Variants in TNKS observed in about 807,000 individuals in gnomAD.
TNKS encodes poly [ADP-ribose] polymerase tankyrase-1.
TNKS carries 72 observed loss-of-function variants against 135.8 expected under a neutral mutation model. The observed-to-expected ratio is 0.53, with a 90% CI of 0.44 to 0.64. The LOEUF (loss-of-function observed/expected upper bound fraction) is 0.64, where lower values mean the gene tolerates loss of function less well. Ranked by LOEUF, TNKS falls within the 30% of genes least tolerant of loss-of-function variation. The probability of loss-of-function intolerance (pLI) is 0.00; values close to 1 mark genes in which losing one functional copy is unlikely to be tolerated. For synonymous variants in TNKS, 849 were observed against 649.3 expected (o/e 1.31, Z -4.68); for missense variants, 1,769 against 1,674.0 (o/e 1.06, Z -0.99).
At chr8:9,616,887 C>G (rs888509937) in intron 3 of TNKS, among the ~76,000 whole-genome samples, 2 of 152,182 alleles carry the variant, frequency 1.3e-5, no homozygotes, top group Non-Finnish European at 2.9e-5. Context: ...TGCTCAGATT[C>G]TACAGCCTTT....
In TNKS at chr8:9,751,818, C is replaced by T. The variant is rs146441688; in HGVS notation, c.3042C>T (p.Ala1014=). 257 of 1,614,062 alleles carry T rather than the reference C, an allele frequency of 1.6e-4. 1 individual carries two copies. Among genetic ancestry groups the T allele is most frequent in the Admixed American group, 5.0e-4 (30 of 60,006 alleles). ...GAGCCTCCAATGCAGGGGATGGCGCCGCGGGAACAGAAAGGAAGGAAGGAG... is the reference window on the plus strand; with the variant it reads ...GAGCCTCCAATGCAGGGGATGGCGCTGCGGGAACAGAAAGGAAGGAAGGAG... ...VGGASNAGDG[A]AGTERKEGEV... is the part of the protein sequence containing the mutation. The change falls in exon 19 of 27, where the codon GCC becomes GCT. Residue 1014 remains alanine (A), a synonymous_variant. Coordinates refer to ENST00000310430, the MANE Select transcript of TNKS (RefSeq NM_003747.3).
intron 2 of TNKS, among the ~76,000 whole-genome samples, chr8:9,603,689 T>A (rs915525586): frequency 2.0e-5 from 3 of 152,204 alleles, no homozygotes; most frequent in Non-Finnish European, 2.9e-5. Flanking sequence ...CTCCAAAGGA[T>A]ATTAATTAAG....
intron 18 of TNKS, 27 bp from the exon 19 acceptor site, chr8:9,751,582 G>A: frequency 6.3e-7 from 1 of 1,590,494 alleles, no homozygotes; most frequent in Non-Finnish European, 8.6e-7. Context: ...GTATTTTCAT[G>A]GTTTTTGTTT....
chr8:9,576,445 G>C (rs561265337), intron 1 of TNKS, among the ~76,000 whole-genome samples: 2 of 151,972 alleles, frequency 1.3e-5, no homozygotes, highest in South Asian at 4.2e-4. Flanking sequence ...AGCAGAAAGC[G>C]GGAGGTGCCA....
At chr8:9,654,374 TAAAAA>T (rs35774396) in intron 3 of TNKS, among the ~76,000 whole-genome samples, 4 of 152,010 alleles carry the variant, frequency 2.6e-5, no homozygotes, top group Admixed American at 6.5e-5. Context: ...TTTCTTGTGT[TAAAAA>T]AAACATGCTT....
chr8:9,727,473 G>T (rs755109886), intron 13 of TNKS, among the ~76,000 whole-genome samples: 1 of 152,072 alleles, frequency 6.6e-6, no homozygotes, highest in African/African-American at 2.4e-5. Context: ...TTGCTGTATT[G>T]CCCAGGCAGG....
At chr8:9,627,626 A>G (rs1800113801) in intron 3 of TNKS, among the ~76,000 whole-genome samples, 1 of 152,154 alleles carries the variant, frequency 6.6e-6, no homozygotes, top group African/African-American at 2.4e-5. Context: ...ATTCAGTCAC[A>G]GAAATCTTCT....
chr8:9,591,962 T>C (rs1047042436), intron 2 of TNKS, among the ~76,000 whole-genome samples: 3 of 152,180 alleles, frequency 2.0e-5, no homozygotes, highest in African/African-American at 7.2e-5. Flanking sequence ...TCTAACAACT[T>C]GCTTAGGATA....
chr8:9,734,397 C>A lies in TNKS; in HGVS notation c.2314-468C>A, dbSNP rs549267435. On this transcript the variant is annotated intron_variant, in intron 15 of 26. Coordinates refer to ENST00000310430, the MANE Select transcript of TNKS (RefSeq NM_003747.3). Reference sequence around the variant, plus strand: ...AGATGTTAAGACTTAGGATAAAAATCTTAAAAATATTACCAAACTTTATTC... The same window carrying A: ...AGATGTTAAGACTTAGGATAAAAATATTAAAAATATTACCAAACTTTATTC... 2.8e-4 allele frequency among the ~76,000 whole-genome samples: 42 copies of A among 152,224 alleles called. 1 individual carries two copies. The South Asian group carries it at 3.1e-3, about 11-fold the overall frequency.
chr8:9,630,404 T>G (rs1485333162), intron 3 of TNKS, among the ~76,000 whole-genome samples: 1 of 152,208 alleles, frequency 6.6e-6, no homozygotes, highest in South Asian at 2.1e-4. Flanking sequence ...ATGAGAAGAT[T>G]TGAAAAGGGA....
At chr8:9,757,079 C>T (rs1049756160) in intron 20 of TNKS, among the ~76,000 whole-genome samples, 5 of 152,146 alleles carry the variant, frequency 3.3e-5, no homozygotes, top group Admixed American at 1.3e-4. Flanking sequence ...CAGGTTCACA[C>T]GATTCTCTTG....
intron 5 of TNKS, among the ~76,000 whole-genome samples, chr8:9,694,372 A>G (rs1311389181): frequency 3.3e-5 from 5 of 152,194 alleles, no homozygotes; most frequent in Non-Finnish European, 5.9e-5. Context: ...GTGAGTTAGG[A>G]GACAGATACA....
chr8:9,738,918 G>A (rs1805782113), intron 17 of TNKS, among the ~76,000 whole-genome samples: 1 of 150,366 alleles, frequency 6.7e-6, no homozygotes, highest in Non-Finnish European at 1.5e-5. Flanking sequence ...TATTAGGTCT[G>A]CTTGGTGCAG....
chr8:9,617,086 T>C (rs1044184786), intron 3 of TNKS, among the ~76,000 whole-genome samples: 2 of 152,254 alleles, frequency 1.3e-5, no homozygotes, highest in East Asian at 1.9e-4. Flanking sequence ...ATTTGTTAGA[T>C]ACATTTAATG....
intron 1 of TNKS, among the ~76,000 whole-genome samples, chr8:9,574,167 T>C (rs1195579801): frequency 6.6e-6 from 1 of 152,264 alleles, no homozygotes; most frequent in Non-Finnish European, 1.5e-5. Context: ...GAATATGTAA[T>C]ATAATGTTAT....
In TNKS at chr8:9,580,339, C is replaced by T; in HGVS notation, c.854C>T (p.Pro285Leu). 2 of 1,614,088 alleles carry T rather than the reference C, an allele frequency of 1.2e-6. No homozygotes were observed. The highest frequency in any genetic ancestry group is 1.7e-6 in the Non-Finnish European group (2 of 1,180,014). ...PNARDNWNYT[P>L]LHEAAIKGKI... ...GCCAGGGATAACTGGAACTATACAC[C>T]TCTGCATGAAGCTGCTATTAAAGGG... The change falls in exon 2 of 27, where the codon CCT becomes CTT. Residue 285 changes from proline (P) to leucine (L), a missense_variant. Coordinates refer to ENST00000310430, the MANE Select transcript of TNKS (RefSeq NM_003747.3).
chr8:9,780,705 T>G lies in TNKS; in HGVS notation c.*3969T>G, dbSNP rs1808423189. The G allele has an allele frequency of 6.6e-6, 1 of 152,236 alleles. No homozygotes were observed. Among genetic ancestry groups the G allele is most frequent in the Non-Finnish European group, 1.5e-5 (1 of 68,048 alleles). 9.4% of individuals were successfully genotyped at this position (152,236 alleles called of 1,614,324 possible). A position where few individuals can be genotyped will look rare whatever the true frequency, so the allele number is the denominator to read the frequency against. On this transcript the variant is annotated 3_prime_UTR_variant, in exon 27 of 27. Transcript: ENST00000310430. ...TATTTTAATAAATAAAACATTGTAG[T>G]CCCATTTCTTAGTGTTTGAAAGGTG... is the stretch of plus-strand genomic sequence containing the variant.
chr8:9,637,101 G>T (rs998390966), intron 3 of TNKS, among the ~76,000 whole-genome samples: 5 of 152,132 alleles, frequency 3.3e-5, no homozygotes, highest in African/African-American at 9.7e-5. Flanking sequence ...AGTGGAAACT[G>T]CATAATTATC....
chr8:9,750,744 G>A (rs774944049), intron 18 of TNKS, among the ~76,000 whole-genome samples: 8 of 152,174 alleles, frequency 5.3e-5, no homozygotes, highest in Non-Finnish European at 7.3e-5. Context: ...AGGGTTTAAC[G>A]TGACAATTTA....
Sources: gnomAD v4.1 joint callset for allele counts (sites outside exome capture counted in the v4.1 genomes callset) on GRCh38, gnomAD v4.1.1 for gene constraint, MANE v1.5 for transcripts, NCBI Gene and HGNC (gene_info 2026-07-23, HGNC 2026-07-21) for gene names.